Variants in RNASE1 observed in about 807,000 individuals in gnomAD.
The protein encoded by RNASE1 is ribonuclease pancreatic.
For missense variants in RNASE1, 203 were observed against 201.0 expected (o/e 1.01, Z -0.06); for synonymous variants, 64 against 78.6 (o/e 0.81, Z 0.98).
chr14:20,801,870 G>A lies in RNASE1; in HGVS notation c.199C>T (p.Arg67Trp). 4 of 1,614,108 alleles carry A rather than the reference G, an allele frequency of 2.5e-6. No individual in the cohort carries two copies. Among genetic ancestry groups the A allele is most frequent in the Middle Eastern group, 1.6e-4 (1 of 6,062 alleles). ...ACAAAGGTGTTCACTGGTTTGCACC[G>A]CCCCTGTGTCATATTCCGGCGCCTC... Reference protein sequence around the residue: ...MMRRRNMTQGRCKPVNTFVHE... With the variant: ...MMRRRNMTQGWCKPVNTFVHE... The change falls in exon 2 of 2, where the codon CGG (arginine) becomes TGG (tryptophan). Residue 67 changes from arginine (R) to tryptophan (W), a missense_variant. Arg to Trp is a moderately radical substitution (Grantham distance 101). Coordinates refer to ENST00000397967, the MANE Select transcript of RNASE1 (RefSeq NM_002933.5).
chr14:20,802,434 A>T (rs1879448962), intron 1 of RNASE1: 2 of 193,870 alleles, frequency 1.0e-5, no homozygotes, highest in Non-Finnish European at 2.2e-5. Context: ...CAGTTTGAAT[A>T]AATCATGAAC....
rs769240382 is a variant in RNASE1 at position 20,801,915 on chromosome 14, T to G, written c.154A>C (p.Thr52Pro). The G allele has an allele frequency of 3.1e-6, 5 of 1,613,940 alleles. No homozygotes were observed. The South Asian group carries it at 5.5e-5, about 18-fold the overall frequency. ...DSDSSPSSSSTYCNQMMRRRN... is the reference protein window; with the variant it reads ...DSDSSPSSSSPYCNQMMRRRN... ...CGCCTCATCATTTGGTTACAGTAGGTGGAGCTGCTGCTGGGGGAACTGTCT... is the reference window on the plus strand; with the variant it reads ...CGCCTCATCATTTGGTTACAGTAGGGGGAGCTGCTGCTGGGGGAACTGTCT... The change falls in exon 2 of 2, where the codon ACC (threonine) becomes CCC (proline). Residue 52 changes from threonine to proline, a missense_variant. Thr to Pro is a conservative substitution (Grantham distance 38). Coordinates refer to ENST00000397967, the MANE Select transcript of RNASE1 (RefSeq NM_002933.5).
Position 20,801,698 on chromosome 14 carries a change from GCA to G in RNASE1, c.369_370del (p.Ala124IlefsTer15). ...TCTCTCCTTCGGGCTGGTCCGGTAT[GCA>G]CAGTTGGGGTACCTGGAGCCGTTTG... On this transcript the variant is annotated frameshift_variant, in exon 2 of 2. Transcript: ENST00000397967. LOFTEE classifies it low-confidence loss of function (END_TRUNC). 6.2e-7 allele frequency: 1 copy of G among 1,614,196 alleles called. No individual in the cohort carries two copies. Among genetic ancestry groups the G allele is most frequent in the Non-Finnish European group, 8.5e-7 (1 of 1,180,050 alleles).
chr14:20,801,830 ACCAGG>A lies in RNASE1; in HGVS notation c.234_238del (p.Leu79ArgfsTer59). On this transcript the variant is annotated frameshift_variant, in exon 2 of 2. Coordinates refer to ENST00000397967, the MANE Select transcript of RNASE1 (RefSeq NM_002933.5). LOFTEE classifies it low-confidence loss of function (END_TRUNC). Reference sequence around the variant, plus strand: ...CTGGAAACAGACATTCTGGACATCTACCAGGGGCTCGTGCACAAAGGTGTTCACTG... The same window carrying A: ...CTGGAAACAGACATTCTGGACATCTAGGCTCGTGCACAAAGGTGTTCACTG... The A allele has an allele frequency of 6.2e-7, 1 of 1,614,172 alleles. No individual in the cohort carries two copies. Among genetic ancestry groups the A allele is most frequent in the East Asian group, 2.2e-5 (1 of 44,876 alleles).
Position 20,801,302 on chromosome 14 carries a change from C to T in RNASE1, c.*296G>A. On this transcript the variant is annotated 3_prime_UTR_variant, in exon 2 of 2. Transcript: ENST00000397967. Reference sequence around the variant, plus strand: ...AGTGAATCAGATTTACAGTTCTTACCCCTTGCTGGAAGGCAATGCCAGAAA... The same window carrying T: ...AGTGAATCAGATTTACAGTTCTTACTCCTTGCTGGAAGGCAATGCCAGAAA... 2.5e-6 allele frequency: 1 copy of T among 403,958 alleles called. No homozygotes were observed. The highest frequency in any genetic ancestry group is 4.5e-6 in the Non-Finnish European group (1 of 220,756). 25.0% of individuals were successfully genotyped at this position (403,958 alleles called of 1,614,324 possible).
chr14:20,802,021 T>C lies in RNASE1; in HGVS notation c.48A>G (p.Ile16Met), dbSNP rs770122963. The C allele has an allele frequency of 3.7e-6, 6 of 1,607,220 alleles. No homozygotes were observed. The African/African-American group carries it at 4.0e-5, about 11-fold the overall frequency. Reference protein sequence around the residue: ...SLVRLLLLVLILLVLGWVQPS... With the variant: ...SLVRLLLLVLMLLVLGWVQPS... ...GCTGGACCCAGCCCAGCACCAGCAG[T>C]ATCAGGACAAGCAGAAGGAGCCGGA... Residue 16 changes from isoleucine (I) to methionine (M), a missense_variant, in exon 2 of 2, where the codon ATA becomes ATG. By Grantham distance (10) the Ile-to-Met change is conservative. Transcript: ENST00000397967.
intron 1 of RNASE1, among the ~76,000 whole-genome samples, 190 bp downstream of exon 1, chr14:20,802,607 G>A (rs780388687): frequency 4.6e-5 from 7 of 152,170 alleles, no homozygotes; most frequent in Non-Finnish European, 5.9e-5. Context: ...TTCTTCTCCA[G>A]TCCCATGGAT....
intron 1 of RNASE1, 50 bp from the exon 2 acceptor site, chr14:20,802,143 C>A: frequency 8.8e-7 from 1 of 1,142,248 alleles, no homozygotes; most frequent in Non-Finnish European, 1.2e-6. Context: ...AGAAAAAGAA[C>A]TCCAGCTCCC....
At chr14:20,802,451 G>A (rs575208864) in intron 1 of RNASE1, 1 of 177,664 alleles carries the variant, frequency 5.6e-6, no homozygotes, top group African/African-American at 2.4e-5. Flanking sequence ...GAACCAAATT[G>A]TATCCCCGAC....
Position 20,801,851 on chromosome 14 carries a change from G to A in RNASE1, c.218C>T (p.Thr73Ile), listed in dbSNP as rs1033545860. The A allele has an allele frequency of 1.2e-6, 2 of 1,614,056 alleles. No individual in the cohort carries two copies. Among genetic ancestry groups the A allele is most frequent in the African/African-American group, 1.3e-5 (1 of 74,918 alleles). Residue 73 changes from threonine (T) to isoleucine (I), a missense_variant, in exon 2 of 2, where the codon ACC becomes ATC. Coordinates refer to ENST00000397967, the MANE Select transcript of RNASE1 (RefSeq NM_002933.5). ...ATCTACCAGGGGCTCGTGCACAAAGGTGTTCACTGGTTTGCACCGCCCCTG... is the reference window on the plus strand; with the variant it reads ...ATCTACCAGGGGCTCGTGCACAAAGATGTTCACTGGTTTGCACCGCCCCTG... ...MTQGRCKPVNTFVHEPLVDVQ... is the reference protein window; with the variant it reads ...MTQGRCKPVNIFVHEPLVDVQ...
Position 20,801,975 on chromosome 14 carries a change from G to A in RNASE1, c.94C>T (p.Arg32Trp), listed in dbSNP as rs758592083. 43 of 1,613,280 alleles carry A rather than the reference G, an allele frequency of 2.7e-5. No homozygotes were observed. The highest frequency in any genetic ancestry group is 1.9e-4 in the African/African-American group (14 of 74,882). Residue 32 changes from arginine to tryptophan, a missense_variant, in exon 2 of 2, where the codon CGG becomes TGG. By Grantham distance (101) the Arg-to-Trp change is moderately radical. Transcript: ENST00000397967. ...WVQPSLGKES[R>W]AKKFQRQHMD... ...TGCTGCCGCTGGAATTTCTTGGCCC[G>A]GGATTCCTTGCCCAGGGAAGGCTGG...
intron 1 of RNASE1, chr14:20,802,358 G>A (rs1397594912): frequency 2.1e-5 from 7 of 329,880 alleles, no homozygotes; most frequent in African/African-American, 6.2e-5. Flanking sequence ...TCCTATCTTT[G>A]AATACTGGAG....
In RNASE1 at chr14:20,801,587, C is replaced by T. The variant is rs572034382; in HGVS notation, c.*11G>A. 6.2e-7 allele frequency: 1 copy of T among 1,604,578 alleles called. No individual in the cohort carries two copies. Among genetic ancestry groups the T allele is most frequent in the Non-Finnish European group, 8.5e-7 (1 of 1,172,194 alleles). On this transcript the variant is annotated 3_prime_UTR_variant, in exon 2 of 2. Transcript: ENST00000397967. ...AGGTTGAGGGAGGTGGGGTATCTCG[C>T]TGCTCTGACCTTAGGTAGAGTCCTC...
In RNASE1 at chr14:20,801,526, G is replaced by C; in HGVS notation, c.*72C>G. The stretch of plus-strand genomic sequence containing the variant: ...ACTGTAGTTACTTCTTTCACAGCAG[G>C]GAAGGAAGAGGGAAGAGGCAGCTGT... On this transcript the variant is annotated 3_prime_UTR_variant, in exon 2 of 2. Coordinates refer to ENST00000397967, the MANE Select transcript of RNASE1 (RefSeq NM_002933.5). The C allele has an allele frequency of 2.4e-6, 3 of 1,265,714 alleles. No individual in the cohort carries two copies. The highest frequency in any genetic ancestry group is 3.4e-6 in the Non-Finnish European group (3 of 879,318). The allele number at this position is 1,265,714 out of a possible 1,614,324, so 78.4% of individuals were successfully genotyped here. A position where few individuals can be genotyped will look rare whatever the true frequency, so the allele number is the denominator to read the frequency against.
In RNASE1 at chr14:20,801,480, G is replaced by C; in HGVS notation, c.*118C>G. The C allele has an allele frequency of 1.2e-6, 1 of 838,330 alleles. No homozygotes were observed. 51.9% of individuals were successfully genotyped at this position (838,330 alleles called of 1,614,324 possible). On this transcript the variant is annotated 3_prime_UTR_variant, in exon 2 of 2. Transcript: ENST00000397967. ...TGGGACTCAGGAAAGGGAAGCATGTGTGTGTTGAATAGGAGCCCTAACTGT... is the reference window on the plus strand; with the variant it reads ...TGGGACTCAGGAAAGGGAAGCATGTCTGTGTTGAATAGGAGCCCTAACTGT...
In RNASE1 at chr14:20,801,788, T is replaced by G; in HGVS notation, c.281A>C (p.Lys94Thr). Reference sequence around the variant, plus strand: ...CTTGTAGCAGTTGCCCTGCCCGTTCTTGCAGGTGACCTTTTCCTGGAAACA... The same window carrying G: ...CTTGTAGCAGTTGCCCTGCCCGTTCGTGCAGGTGACCTTTTCCTGGAAACA... ...NVCFQEKVTC[K>T]NGQGNCYKSN... The change falls in exon 2 of 2, where the codon AAG becomes ACG. Residue 94 changes from lysine to threonine, a missense_variant. Transcript: ENST00000397967. 2 of 1,614,224 alleles carry G rather than the reference T, an allele frequency of 1.2e-6. No homozygotes were observed. The highest frequency in any genetic ancestry group is 2.2e-5 in the South Asian group (2 of 91,088).
chr14:20,802,301 C>G, intron 1 of RNASE1: 1 of 514,310 alleles, frequency 1.9e-6, no homozygotes, highest in South Asian at 2.7e-5. Context: ...CGAGGTCTTC[C>G]TCCCCTCTAG....
chr14:20,801,271 C>A lies in RNASE1; in HGVS notation c.*327G>T. ...GCATTTAATTACTCCATTCACCGTT[C>A]TCCAAAGTGAATCAGATTTACAGTT... On this transcript the variant is annotated 3_prime_UTR_variant, in exon 2 of 2. Transcript: ENST00000397967. 1 of 300,656 alleles carries A rather than the reference C, an allele frequency of 3.3e-6. No individual in the cohort carries two copies. Among genetic ancestry groups the A allele is most frequent in the Non-Finnish European group, 6.3e-6 (1 of 159,106 alleles). 18.6% of individuals were successfully genotyped at this position (300,656 alleles called of 1,614,324 possible). A position where few individuals can be genotyped will look rare whatever the true frequency, so the allele number is the denominator to read the frequency against.
At chr14:20,802,396 C>T (rs1879446623) in intron 1 of RNASE1, 1 of 248,262 alleles carries the variant, frequency 4.0e-6, no homozygotes. Context: ...ACATTTGTAC[C>T]CAGTGCTCAA....
Sources: allele counts gnomAD v4.1 joint callset (sites outside exome capture counted in the v4.1 genomes callset), GRCh38; gene constraint gnomAD v4.1.1; transcripts MANE v1.5; gene names NCBI Gene and HGNC (gene_info 2026-07-23, HGNC 2026-07-21).